ERI1: variants seen among roughly 807,000 people sequenced by gnomAD.
ERI1 encodes the protein exoribonuclease 1.
ERI1 carries 39 observed loss-of-function variants against 39.7 expected under a neutral mutation model. That is an observed-to-expected ratio of 0.98 (90% CI 0.76 to 1.28). ERI1 has a LOEUF of 1.28. ERI1 is among the 50% of genes most tolerant of loss of function. ERI1 has a pLI of 0.00. For synonymous variants in ERI1, 204 were observed against 149.6 expected, an observed-to-expected ratio of 1.36 and a Z score of -2.65; for missense variants, 581 against 416.9, an observed-to-expected ratio of 1.39 and a Z score of -3.43.
At position 9,031,892 on chromosome 8, in the gene ERI1, A is replaced by G. The variant is rs1398008784; in HGVS notation, c.*1858A>G. On this transcript the variant is annotated 3_prime_UTR_variant, in exon 7 of 7. Transcript: ENST00000250263. The stretch of plus-strand genomic sequence containing the variant: ...CTTGCCTCAGCCTCCTGAGTAGCTC[A>G]GATTACAGGCGCGTGCCACCACACC... 6.6e-6 allele frequency: 1 copy of G among 152,196 alleles called. No individual in the cohort carries two copies. Among genetic ancestry groups the G allele is most frequent in the Non-Finnish European group, 1.5e-5 (1 of 68,116 alleles). 9.4% of individuals were successfully genotyped at this position (152,196 alleles called of 1,614,324 possible). A position where few individuals can be genotyped will look rare whatever the true frequency, so the allele number is the denominator to read the frequency against.
intron 3 of ERI1, among the ~76,000 whole-genome samples, chr8:9,069,663 C>T (rs1798986691): frequency 6.6e-6 from 1 of 152,168 alleles, no homozygotes; most frequent in African/African-American, 2.4e-5. Flanking sequence ...TCATTCGTAT[C>T]TCAGCATCGT....
intron 3 of ERI1, among the ~76,000 whole-genome samples, chr8:9,080,155 A>G (rs181624087): frequency 3.3e-5 from 5 of 152,202 alleles, no homozygotes; most frequent in Non-Finnish European, 7.3e-5. Flanking sequence ...GTTATTTTAC[A>G]GCGACTTGTG....
chr8:9,049,695 C>T (rs187878684), intron 3 of ERI1: 1 of 152,266 alleles, frequency 6.6e-6, no homozygotes, highest in Non-Finnish European at 1.5e-5. Flanking sequence ...ATCTCAGAAG[C>T]ATGCCCTTTG....
At chr8:9,043,871 C>T (rs1798097038) in intron 3 of ERI1, among the ~76,000 whole-genome samples, 1 of 152,178 alleles carries the variant, frequency 6.6e-6, no homozygotes, top group African/African-American at 2.4e-5. Flanking sequence ...GAAATATTTA[C>T]TGAATATTTA....
chr8:9,003,496 G>T, intron 1 of ERI1, among the ~76,000 whole-genome samples: 1 of 152,184 alleles, frequency 6.6e-6, no homozygotes, highest in Non-Finnish European at 1.5e-5. Context: ...GCCGTTATGG[G>T]TAGTTTGCAA....
chr8:9,012,066 C>T (rs1471617444), intron 3 of ERI1, among the ~76,000 whole-genome samples: 1 of 152,118 alleles, frequency 6.6e-6, no homozygotes, highest in Non-Finnish European at 1.5e-5. Flanking sequence ...TGATGCCTGG[C>T]CCTAGTCCCA....
intron 3 of ERI1, among the ~76,000 whole-genome samples, chr8:9,088,960 G>A (rs780299457): frequency 2.0e-5 from 3 of 152,188 alleles, no homozygotes; most frequent in Non-Finnish European, 4.4e-5. Context: ...TAGTTCCTAA[G>A]CTGCAGGGTT....
At chr8:9,055,758 C>G (rs1441456019) in intron 3 of ERI1, among the ~76,000 whole-genome samples, 4 of 152,134 alleles carry the variant, frequency 2.6e-5, no homozygotes, top group Non-Finnish European at 4.4e-5. Context: ...CCAGGCTGGT[C>G]TTGAATTGGC....
intron 3 of ERI1, among the ~76,000 whole-genome samples, chr8:9,082,388 G>T (rs1033346369): frequency 1.3e-5 from 2 of 152,152 alleles, no homozygotes; most frequent in African/African-American, 4.8e-5. Flanking sequence ...AGACAGAAGG[G>T]CTTCTCTGCC....
chr8:9,007,894 T>A, intron 1 of ERI1, 76 bp from the exon 2 acceptor site: 8 of 1,510,544 alleles, frequency 5.3e-6, no homozygotes, highest in Non-Finnish European at 6.2e-6. Context: ...AAAGTTTGAA[T>A]CTTTAAATCT....
intron 2 of ERI1, 42 bp downstream of exon 2, chr8:9,008,190 C>A: frequency 7.1e-7 from 1 of 1,410,440 alleles, no homozygotes; most frequent in Non-Finnish European, 9.5e-7. Context: ...GTAGTACATG[C>A]TCATTTTAGA....
intron 3 of ERI1, among the ~76,000 whole-genome samples, chr8:9,046,211 C>T (rs1798170155): frequency 6.6e-6 from 1 of 152,170 alleles, no homozygotes; most frequent in Non-Finnish European, 1.5e-5. Flanking sequence ...GGTTCTCTGT[C>T]CTGAGAAGCG....
At chr8:9,051,811 T>C (rs1798364618) in intron 3 of ERI1, among the ~76,000 whole-genome samples, 6 of 152,258 alleles carry the variant, frequency 3.9e-5, no homozygotes, top group Admixed American at 3.9e-4. Flanking sequence ...GAATGATCAC[T>C]TCCTTTTCTC....
At chr8:9,033,792 G>A (rs536711535), downstream of ERI1, among the ~76,000 whole-genome samples, 4 of 152,288 alleles carry the variant, frequency 2.6e-5, no homozygotes, top group Non-Finnish European at 2.9e-5. Context: ...GCTGCCTCCC[G>A]TTGTAGACTT....
chr8:9,008,187 A>C lies in ERI1; in HGVS notation c.287+39A>C, dbSNP rs74497768. On this transcript the variant is annotated intron_variant, in intron 2 of 6. Coordinates refer to ENST00000250263, the MANE Select transcript of ERI1 (RefSeq NM_153332.4). ...ACTTATAAAATTATAAAAGTAGTAC[A>C]TGCTCATTTTAGAAAATCTTGAAAA... The C allele has an allele frequency of 4.8e-4, 693 of 1,431,436 alleles. 10 individuals carry two copies. In the East Asian group the frequency reaches 0.017, roughly 36 times the overall value. 88.7% of individuals were successfully genotyped at this position (1,431,436 alleles called of 1,614,324 possible). A position where few individuals can be genotyped will look rare whatever the true frequency, so the allele number is the denominator to read the frequency against.
chr8:9,084,779 A>C (rs748818545), intron 3 of ERI1, among the ~76,000 whole-genome samples: 2 of 152,146 alleles, frequency 1.3e-5, no homozygotes, highest in Non-Finnish European at 2.9e-5. Context: ...GAGAGATTCC[A>C]CTGACTTTTA....
At chr8:9,016,458 G>A in intron 4 of ERI1, 53 bp downstream of exon 4, 1 of 1,154,422 alleles carries the variant, frequency 8.7e-7, no homozygotes, top group Non-Finnish European at 1.2e-6. Context: ...TTGAAATTAG[G>A]GATTTATTTT....
chr8:9,047,085 T>C (rs1372572220), intron 3 of ERI1, among the ~76,000 whole-genome samples: 4 of 152,190 alleles, frequency 2.6e-5, no homozygotes, highest in Non-Finnish European at 5.9e-5. Flanking sequence ...ACAGGCAAGC[T>C]GCTCTTTCCC....
At chr8:9,097,463 G>A (rs1241494537) in intron 3 of ERI1, among the ~76,000 whole-genome samples, 4 of 152,106 alleles carry the variant, frequency 2.6e-5, no homozygotes, top group Non-Finnish European at 4.4e-5. Context: ...CACAGGCTGA[G>A]TTCGAGACCA....
Sources: gnomAD v4.1 joint callset for allele counts (sites outside exome capture counted in the v4.1 genomes callset) on GRCh38, gnomAD v4.1.1 for gene constraint, MANE v1.5 for transcripts, NCBI Gene and HGNC (gene_info 2026-07-23, HGNC 2026-07-21) for gene names.